Variants in GCC2 observed in about 807,000 individuals in gnomAD.
GCC2 encodes the protein GRIP and coiled-coil domain-containing protein 2.
In GCC2, 120 loss-of-function variants were observed where a neutral mutation model predicts 210.6. The observed-to-expected ratio is 0.57, with a 90% CI of 0.49 to 0.66. The LOEUF is 0.66. Among genes scored for constraint, GCC2 ranks in the 30% least tolerant of loss-of-function variants. The pLI, the probability that GCC2 is intolerant of heterozygous loss-of-function variation, is 0.00. For missense variants in GCC2, 1,868 were observed against 1,871.9 expected, an observed-to-expected ratio of 1.00 and a Z score of 0.04; for synonymous variants, 703 against 652.7, an observed-to-expected ratio of 1.08 and a Z score of -1.17.
At position 108,449,210 on chromosome 2, in the gene GCC2, G is replaced by T; in HGVS notation, c.-65G>T. 1 of 1,522,062 alleles carries T rather than the reference G, an allele frequency of 6.6e-7. No individual in the cohort carries two copies. The highest frequency in any genetic ancestry group is 8.9e-7 in the Non-Finnish European group (1 of 1,122,478). The allele number at this position is 1,522,062 out of a possible 1,614,324, so 94.3% of individuals were successfully genotyped here. ...ACCTGCAGTAGAGCCTACGTCAGAG[G>T]CTGGCGCAAACAGAAGTGCAGCGGT... On this transcript the variant is annotated 5_prime_UTR_variant, in exon 1 of 23. Coordinates refer to ENST00000309863, the MANE Select transcript of GCC2 (RefSeq NM_181453.4).
At chr2:108,505,333 A>G (rs1683130379) in intron 22 of GCC2, among the ~76,000 whole-genome samples, 1 of 152,322 alleles carries the variant, frequency 6.6e-6, no homozygotes, top group Admixed American at 6.5e-5. Context: ...TCCCTAAGCA[A>G]TATCGCTTCC....
At chr2:108,477,253 G>T (rs993066986) in intron 9 of GCC2, among the ~76,000 whole-genome samples, 4 of 152,124 alleles carry the variant, frequency 2.6e-5, no homozygotes, top group African/African-American at 9.7e-5. Flanking sequence ...ATGCAAGAAT[G>T]GTACAGATTA....
chr2:108,461,579 C>A (rs1484723808), intron 4 of GCC2, among the ~76,000 whole-genome samples: 1 of 152,088 alleles, frequency 6.6e-6, no homozygotes, highest in African/African-American at 2.4e-5. Context: ...AATCTTGGCT[C>A]ACTGCACCCT....
intron 2 of GCC2, 174 bp downstream of exon 2, chr2:108,449,863 C>T: frequency 1.7e-6 from 1 of 590,486 alleles, no homozygotes; most frequent in Non-Finnish European, 3.0e-6. Flanking sequence ...CCCCGCCCAC[C>T]CCGATATAGA....
chr2:108,476,054 CTTTTTTT>C (rs56236751), intron 9 of GCC2, among the ~76,000 whole-genome samples: 3 of 96,326 alleles, frequency 3.1e-5, no homozygotes, highest in South Asian at 3.3e-4. Context: ...TAGTGGCTTG[CTTTTTTT>C]TTTTTTTTTT....
rs1031269477 is a variant in GCC2, at chr2:108,486,549, C to G, written c.3831C>G (p.Ile1277Met). Residue 1277 changes from isoleucine to methionine, a missense_variant, in exon 16 of 23, where the codon ATC becomes ATG. Ile to Met is a conservative substitution (Grantham distance 10). This residue lies in a region of GCC2 where 1,847 missense variants were observed against 1,765.2 expected (regional missense o/e 1.05). Transcript: ENST00000309863. ...AAATAACATCAGAGAAGCACAAAAT[C>G]CACGAGCACCTGAAAACCTCTGCGG... Reference protein sequence around the residue: ...LAEITSEKHKIHEHLKTSAEQ... With the variant: ...LAEITSEKHKMHEHLKTSAEQ... 4.3e-6 allele frequency: 7 copies of G among 1,613,986 alleles called. No individual in the cohort carries two copies. Among genetic ancestry groups the G allele is most frequent in the Non-Finnish European group, 5.9e-6 (7 of 1,179,982 alleles).
Position 108,471,694 on chromosome 2 carries a change from T to C in GCC2, c.2365T>C (p.Ser789Pro), listed in dbSNP as rs1347103200. ...VVNVLQAVGE[S>P]LAKINEEKCN... The stretch of plus-strand genomic sequence containing the variant: ...TAATGTCCTACAGGCAGTCGGTGAA[T>C]CCTTGGCAAAAATAAATGAGGAAAA... The change falls in exon 6 of 23, where the codon TCC becomes CCC. Residue 789 changes from serine (S) to proline (P), a missense_variant. By Grantham distance (74) the Ser-to-Pro change is moderately conservative. Around this residue, in one of 3 missense-constraint regions of GCC2, gnomAD observed 1,847 missense variants for 1,765.2 expected, o/e 1.05. Transcript: ENST00000309863. The C allele has an allele frequency of 6.2e-7, 1 of 1,613,582 alleles. No homozygotes were observed. The highest frequency in any genetic ancestry group is 8.5e-7 in the Non-Finnish European group (1 of 1,179,770).
intron 22 of GCC2, among the ~76,000 whole-genome samples, chr2:108,504,279 T>C (rs1309348243): frequency 6.6e-6 from 1 of 152,194 alleles, no homozygotes; most frequent in Non-Finnish European, 1.5e-5. Flanking sequence ...GTTTATGATG[T>C]TGGCTGTAAG....
intron 22 of GCC2, among the ~76,000 whole-genome samples, chr2:108,504,239 T>A (rs2104519976): frequency 6.6e-6 from 1 of 152,312 alleles, no homozygotes; most frequent in East Asian, 1.9e-4. Context: ...GGTAAATACC[T>A]GACTGTATCA....
rs1209134275 is a variant in GCC2 at position 108,492,270 on chromosome 2, A to G, written c.4230-303A>G. Among the ~76,000 whole-genome samples, 6 of 152,278 alleles carry G rather than the reference A, an allele frequency of 3.9e-5. No individual in the cohort carries two copies. The East Asian group carries it at 1.2e-3, about 29-fold the overall frequency. On this transcript the variant is annotated intron_variant, in intron 18 of 22. Coordinates refer to ENST00000309863, the MANE Select transcript of GCC2 (RefSeq NM_181453.4). ...AAAGTATAATTATTTTATGCTTTAA[A>G]TATAATCCTATTTTCTGATGAACCA... is the stretch of plus-strand genomic sequence containing the variant.
intron 4 of GCC2, among the ~76,000 whole-genome samples, chr2:108,453,779 C>T (rs1021638876): frequency 2.4e-4 from 25 of 106,336 alleles, no homozygotes; most frequent in South Asian, 2.0e-3. Context: ...AGCAAGACTC[C>T]GTTTTTAAAA....
intron 4 of GCC2, among the ~76,000 whole-genome samples, chr2:108,458,583 ACTG>A (rs1680391919): frequency 6.6e-6 from 1 of 151,658 alleles, no homozygotes; most frequent in Non-Finnish European, 1.5e-5. Flanking sequence ...ACTTTTTATT[ACTG>A]ATTCGTTCTT....
At chr2:108,476,459 T>G (rs546879902) in intron 9 of GCC2, among the ~76,000 whole-genome samples, 1 of 152,310 alleles carries the variant, frequency 6.6e-6, no homozygotes, top group African/African-American at 2.4e-5. Flanking sequence ...ACTGTGATTA[T>G]TTAATATTGT....
chr2:108,467,126 G>A (rs878972871), intron 4 of GCC2, among the ~76,000 whole-genome samples: 2 of 151,860 alleles, frequency 1.3e-5, no homozygotes, highest in Admixed American at 6.6e-5. Context: ...TCCCATATAC[G>A]TTTAGAATTT....
intron 22 of GCC2, among the ~76,000 whole-genome samples, chr2:108,502,353 A>G (rs1185104152): frequency 2.6e-5 from 4 of 152,160 alleles, no homozygotes; most frequent in Admixed American, 6.5e-5. Context: ...TTAAGGGTCC[A>G]TTGATTTAGA....
intron 20 of GCC2, 34 bp downstream of exon 20, chr2:108,495,519 T>C (rs1682610025): frequency 2.2e-6 from 3 of 1,389,100 alleles, no homozygotes; most frequent in Non-Finnish European, 2.0e-6. Context: ...TTTTTCTTAT[T>C]TAATTTCACT....
chr2:108,486,327 AGAT>A, intron 15 of GCC2, 181 bp from the exon 16 acceptor site: 1 of 625,944 alleles, frequency 1.6e-6, no homozygotes, highest in South Asian at 1.9e-5. Context: ...GTTTAAGAAA[AGAT>A]AACTTAGAAA....
intron 4 of GCC2, among the ~76,000 whole-genome samples, chr2:108,461,050 T>C (rs962719969): frequency 1.3e-5 from 2 of 152,210 alleles, no homozygotes; most frequent in African/African-American, 4.8e-5. Context: ...TTTAATCTCT[T>C]TTCTTTATAA....
At chr2:108,476,054 C>CTTTTTTTTTT (rs56236751) in intron 9 of GCC2, among the ~76,000 whole-genome samples, 9 of 96,318 alleles carry the variant, frequency 9.3e-5, no homozygotes, top group East Asian at 3.1e-4. Context: ...TAGTGGCTTG[C>CTTTTTTTTTT]TTTTTTTTTT....
Sources: allele counts gnomAD v4.1 joint callset (sites outside exome capture counted in the v4.1 genomes callset), GRCh38; gene constraint gnomAD v4.1.1; regional missense constraint gnomAD v4.1.1; transcripts MANE v1.5; gene names NCBI Gene and HGNC (gene_info 2026-07-23, HGNC 2026-07-21).